Variants in A1CF observed in about 807,000 individuals in gnomAD.
A1CF encodes APOBEC1 complementation factor.
A1CF carries 48 observed loss-of-function variants against 68.9 expected under a neutral mutation model. The observed-to-expected ratio is 0.70, with a 90% CI of 0.55 to 0.89. The LOEUF is 0.89. Among genes scored for constraint, A1CF ranks in the 40% least tolerant of loss-of-function variants. The probability of loss-of-function intolerance (pLI) is 0.00; values close to 1 mark genes in which losing one functional copy is unlikely to be tolerated. For missense variants in A1CF, 653 were observed against 718.9 expected (o/e 0.91, Z 1.05); for synonymous variants, 272 against 260.4 (o/e 1.04, Z -0.43).
At chr10:50,833,965 C>T (rs991783485) in intron 6 of A1CF, among the ~76,000 whole-genome samples, 2 of 152,136 alleles carry the variant, frequency 1.3e-5, no homozygotes, top group Non-Finnish European at 2.9e-5. Flanking sequence ...GGCAGCCTCC[C>T]TATGGCATAT....
rs949102690 is a variant in A1CF at position 50,803,620 on chromosome 10, G to T, written c.*3109C>A. ...TTTGAGAAGAGGCAGCACTTTTATA[G>T]GAAAGAAAATAGATACCCAATCCCA... On this transcript the variant is annotated 3_prime_UTR_variant, in exon 13 of 13. Coordinates refer to ENST00000373997, the MANE Select transcript of A1CF (RefSeq NM_014576.4). The T allele has an allele frequency of 6.6e-6, 1 of 152,074 alleles. No homozygotes were observed. Among genetic ancestry groups the T allele is most frequent in the East Asian group, 1.9e-4 (1 of 5,190 alleles). The allele number at this position is 152,074 out of a possible 1,614,324, so 9.4% of individuals were successfully genotyped here. A position where few individuals can be genotyped will look rare whatever the true frequency, so the allele number is the denominator to read the frequency against.
In A1CF at chr10:50,836,020, G is replaced by A. The variant is rs565048244; in HGVS notation, c.604+54C>T. ...AATTAAAAATGCTTATTTTCTTTGC[G>A]GAGGCAGGCAGGATAGGCAGAGAAG... On this transcript the variant is annotated intron_variant, in intron 6 of 12. Transcript: ENST00000373997. 5.3e-5 allele frequency: 78 copies of A among 1,461,560 alleles called. No homozygotes were observed. In the African/African-American group the frequency reaches 1.0e-3, roughly 19 times the overall value. 90.5% of individuals were successfully genotyped at this position (1,461,560 alleles called of 1,614,324 possible). A position where few individuals can be genotyped will look rare whatever the true frequency, so the allele number is the denominator to read the frequency against.
chr10:50,877,855 G>T (rs142951404), intron 1 of A1CF, among the ~76,000 whole-genome samples: 3 of 152,346 alleles, frequency 2.0e-5, no homozygotes, highest in South Asian at 2.1e-4. Context: ...GGGCGCCGTG[G>T]CTCACGCCTG....
At position 50,843,980 on chromosome 10, in the gene A1CF, G is replaced by T. The variant is rs772532696; in HGVS notation, c.234+8C>A. On this transcript the variant is annotated splice_region_variant and intron_variant, in intron 4 of 12. Coordinates refer to ENST00000373997, the MANE Select transcript of A1CF (RefSeq NM_014576.4). ...ATAAGAAAAATTAAATGTTAAATTT[G>T]GACTCACTTTTTCACATAATGGTAT... The T allele has an allele frequency of 5.6e-6, 9 of 1,611,638 alleles. No individual in the cohort carries two copies. Among genetic ancestry groups the T allele is most frequent in the African/African-American group, 2.7e-5 (2 of 74,786 alleles).
rs1263614456 is a variant in A1CF at position 50,802,153 on chromosome 10, T to C, written c.*4576A>G. ...ATCTCATTTTCCTTAGTTTCACTCA[T>C]TATAGCGCAACTTACTTTGTTTTTC... On this transcript the variant is annotated 3_prime_UTR_variant, in exon 13 of 13. Coordinates refer to ENST00000373997, the MANE Select transcript of A1CF (RefSeq NM_014576.4). 1 of 152,192 alleles carries C rather than the reference T, an allele frequency of 6.6e-6. No individual in the cohort carries two copies. Among genetic ancestry groups the C allele is most frequent in the African/African-American group, 2.4e-5 (1 of 41,470 alleles). The allele number at this position is 152,192 out of a possible 1,614,324, so 9.4% of individuals were successfully genotyped here. A position where few individuals can be genotyped will look rare whatever the true frequency, so the allele number is the denominator to read the frequency against.
intron 3 of A1CF, among the ~76,000 whole-genome samples, chr10:50,856,965 A>G (rs1840507054): frequency 6.6e-6 from 1 of 152,138 alleles, no homozygotes; most frequent in Non-Finnish European, 1.5e-5. Context: ...AAATCATAAC[A>G]TTTGACCTTA....
intron 8 of A1CF, among the ~76,000 whole-genome samples, chr10:50,820,243 GAGAGAAAACT>G (rs1320542657): frequency 3.3e-5 from 5 of 152,146 alleles, no homozygotes; most frequent in African/African-American, 1.2e-4. Context: ...TTGAAGTAAT[GAGAGAAAACT>G]GGAATTGTGA....
chr10:50,830,626 T>C (rs191512175), intron 6 of A1CF, among the ~76,000 whole-genome samples: 3 of 152,170 alleles, frequency 2.0e-5, no homozygotes, highest in African/African-American at 7.2e-5. Flanking sequence ...AAGAAACAAA[T>C]AAATGGAAAA....
At chr10:50,830,672 G>T (rs1839193448) in intron 6 of A1CF, among the ~76,000 whole-genome samples, 1 of 152,118 alleles carries the variant, frequency 6.6e-6, no homozygotes, top group Non-Finnish European at 1.5e-5. Flanking sequence ...CATTATTATT[G>T]TTATAAAGTC....
At chr10:50,862,043 C>T (rs1295789013) in intron 2 of A1CF, among the ~76,000 whole-genome samples, 1 of 151,156 alleles carries the variant, frequency 6.6e-6, no homozygotes, top group Non-Finnish European at 1.5e-5. Context: ...AATAAATGTC[C>T]CCAAGCTAAT....
intron 1 of A1CF, among the ~76,000 whole-genome samples, chr10:50,872,946 CTTTTTTT>C (rs34770362): frequency 1.8e-3 from 120 of 67,296 alleles, no homozygotes; most frequent in East Asian, 0.011. Context: ...ATTTAAGTTC[CTTTTTTT>C]TTTTTTTTTT....
Position 50,828,361 on chromosome 10 carries a change from A to G in A1CF, c.605-66T>C, listed in dbSNP as rs1360141442. ...TCAGGACAACATCATCTCAATTTATACCAATGGTCTTTTAAATTGACCTGA... is the reference window on the plus strand; with the variant it reads ...TCAGGACAACATCATCTCAATTTATGCCAATGGTCTTTTAAATTGACCTGA... On this transcript the variant is annotated intron_variant, in intron 6 of 12. Coordinates refer to ENST00000373997, the MANE Select transcript of A1CF (RefSeq NM_014576.4). 6 of 1,313,632 alleles carry G rather than the reference A, an allele frequency of 4.6e-6. No individual in the cohort carries two copies. In the African/African-American group the frequency reaches 7.3e-5, roughly 16 times the overall value. 81.4% of individuals were successfully genotyped at this position (1,313,632 alleles called of 1,614,324 possible).
At chr10:50,815,666 G>A (rs1838330777) in intron 9 of A1CF, among the ~76,000 whole-genome samples, 1 of 152,138 alleles carries the variant, frequency 6.6e-6, no homozygotes, top group Non-Finnish European at 1.5e-5. Context: ...GTGTTGTAAT[G>A]AGCCACAGAT....
In A1CF at chr10:50,802,806, C is replaced by T. The variant is rs1462399387; in HGVS notation, c.*3923G>A. 6.6e-6 allele frequency: 1 copy of T among 152,156 alleles called. No homozygotes were observed. Among genetic ancestry groups the T allele is most frequent in the Non-Finnish European group, 1.5e-5 (1 of 68,022 alleles). 9.4% of individuals were successfully genotyped at this position (152,156 alleles called of 1,614,324 possible). A position where few individuals can be genotyped will look rare whatever the true frequency, so the allele number is the denominator to read the frequency against. ...ACAAATGGCACACCTAAGAACCTCC[C>T]TGTCTATGTGGATTCTAACTGTGGC... is the stretch of plus-strand genomic sequence containing the variant. On this transcript the variant is annotated 3_prime_UTR_variant, in exon 13 of 13. Coordinates refer to ENST00000373997, the MANE Select transcript of A1CF (RefSeq NM_014576.4).
rs934785627 is a variant in A1CF at position 50,800,292 on chromosome 10, T to G, written c.*6437A>C. ...TTCTCCTTCTATTTTTGCATAGTCCTTTATATTTCTCCTGGGGGAAATATT... is the reference window on the plus strand; with the variant it reads ...TTCTCCTTCTATTTTTGCATAGTCCGTTATATTTCTCCTGGGGGAAATATT... On this transcript the variant is annotated 3_prime_UTR_variant, in exon 13 of 13. Coordinates refer to ENST00000373997, the MANE Select transcript of A1CF (RefSeq NM_014576.4). The G allele has an allele frequency of 1.2e-4, 19 of 152,178 alleles. No individual in the cohort carries two copies. The highest frequency in any genetic ancestry group is 4.6e-4 in the African/African-American group (19 of 41,464). The allele number at this position is 152,178 out of a possible 1,614,324, so 9.4% of individuals were successfully genotyped here.
chr10:50,868,427 C>T (rs1400191871), intron 1 of A1CF, among the ~76,000 whole-genome samples: 1 of 152,052 alleles, frequency 6.6e-6, no homozygotes, highest in Non-Finnish European at 1.5e-5. Context: ...GCACTTTGGT[C>T]ATGGATCATG....
At chr10:50,832,955 C>G (rs372055102) in intron 6 of A1CF, among the ~76,000 whole-genome samples, 1 of 152,050 alleles carries the variant, frequency 6.6e-6, no homozygotes, top group African/African-American at 2.4e-5. Context: ...ACTGACTGAG[C>G]AGTTCCCAGG....
In A1CF at chr10:50,825,960, G is replaced by T. The variant is rs1588983703; in HGVS notation, c.769+2171C>A. On this transcript the variant is annotated intron_variant, in intron 7 of 12. Transcript: ENST00000373997. ...TGGAGGTTGCTACTGGTATCTAACA[G>T]AGACAGGCCTGGGATGCTGCTAAAC... 2.0e-5 allele frequency among the ~76,000 whole-genome samples: 3 copies of T among 152,234 alleles called. No individual in the cohort carries two copies. The South Asian group carries it at 6.2e-4, about 32-fold the overall frequency.
intron 3 of A1CF, chr10:50,850,549 A>G: frequency 7.5e-7 from 1 of 1,335,668 alleles, no homozygotes; most frequent in African/African-American, 1.4e-5. Flanking sequence ...ACAAAACAGA[A>G]AACTTATTCG....
Sources: allele counts gnomAD v4.1 joint callset (sites outside exome capture counted in the v4.1 genomes callset), GRCh38; gene constraint gnomAD v4.1.1; transcripts MANE v1.5; gene names NCBI Gene and HGNC (gene_info 2026-07-23, HGNC 2026-07-21).